The following APH1B variants were observed in gnomAD, a reference collection of about 807,000 sequenced individuals.
APH1B encodes gamma-secretase subunit APH-1B.
In APH1B, 27 loss-of-function variants were observed where a neutral mutation model predicts 28.2. The ratio of observed to expected loss-of-function variants is 0.96; its 90% CI spans 0.70 to 1.32. APH1B has a LOEUF of 1.32. Ranked by LOEUF, APH1B falls within the 40% of genes most tolerant of loss-of-function variation. The probability of loss-of-function intolerance (pLI) is 0.00; values close to 1 mark genes in which losing one functional copy is unlikely to be tolerated. For synonymous variants in APH1B, 141 were observed against 124.6 expected (o/e 1.13, Z -0.88); for missense variants, 305 against 313.6 (o/e 0.97, Z 0.21).
chr15:63,294,593 T>G (rs1399295070), intron 4 of APH1B, among the ~76,000 whole-genome samples: 1 of 152,254 alleles, frequency 6.6e-6, no homozygotes, highest in African/African-American at 2.4e-5. Context: ...TGTAACATGT[T>G]TCACTTACTG....
chr15:63,289,562 G>C (rs897741805), intron 4 of APH1B, among the ~76,000 whole-genome samples: 3 of 152,090 alleles, frequency 2.0e-5, no homozygotes, highest in African/African-American at 7.2e-5. Context: ...CCGACATGAC[G>C]CCACAAGTAG....
At chr15:63,284,117 G>T (rs897192351) in intron 2 of APH1B, among the ~76,000 whole-genome samples, 1 of 151,940 alleles carries the variant, frequency 6.6e-6, no homozygotes, top group African/African-American at 2.4e-5. Flanking sequence ...ATGGAGAAGT[G>T]TAAGTCTTTT....
In APH1B at chr15:63,308,110, T is replaced by C. The variant is rs2038706130; in HGVS notation, c.*2329T>C. ...ATGCTTTTTTTTTTTTATTTTGCAT[T>C]TGTTATCTATAATGAGCTTTCTGAG... On this transcript the variant is annotated 3_prime_UTR_variant, in exon 6 of 6. Transcript: ENST00000261879. 6.6e-6 allele frequency: 1 copy of C among 152,212 alleles called. No individual in the cohort carries two copies. 9.4% of individuals were successfully genotyped at this position (152,212 alleles called of 1,614,324 possible).
chr15:63,289,330 T>A (rs2038479111), intron 4 of APH1B, among the ~76,000 whole-genome samples: 3 of 152,234 alleles, frequency 2.0e-5, no homozygotes, highest in Non-Finnish European at 4.4e-5. Context: ...TTATATTTAT[T>A]GTATTTATGT....
intron 4 of APH1B, among the ~76,000 whole-genome samples, chr15:63,289,018 G>A (rs990211402): frequency 6.6e-6 from 1 of 152,022 alleles, no homozygotes; most frequent in Non-Finnish European, 1.5e-5. Context: ...GTTTTCATAC[G>A]ATGTTTAAAA....
chr15:63,304,289 C>T lies in APH1B; in HGVS notation c.607-1325C>T, dbSNP rs546160270. 6.6e-6 allele frequency among the ~76,000 whole-genome samples: 1 copy of T among 152,176 alleles called. No individual in the cohort carries two copies. The highest frequency in any genetic ancestry group is 1.9e-4 in the East Asian group (1 of 5,186). On this transcript the variant is annotated intron_variant, in intron 5 of 5. Coordinates refer to ENST00000261879, the MANE Select transcript of APH1B (RefSeq NM_031301.4). This position sits in a 1 kb window ranked among gnomAD's most constrained non-coding sequence, Gnocchi z 5.1. ...CAGGGACTGGTGGAACAGGGAGGCT[C>T]CTGGGGGCTGAGAATGTTTTGATTT...
intron 2 of APH1B, among the ~76,000 whole-genome samples, chr15:63,284,010 T>C (rs1166522738): frequency 3.3e-5 from 5 of 152,200 alleles, no homozygotes; most frequent in Non-Finnish European, 7.4e-5. Context: ...TTACAGTTTA[T>C]TGCTGGACTG....
intron 2 of APH1B, among the ~76,000 whole-genome samples, chr15:63,282,715 C>G (rs1160534465): frequency 6.6e-6 from 1 of 152,158 alleles, no homozygotes; most frequent in Admixed American, 6.5e-5. Context: ...TCAATTTTGT[C>G]TTAAAAGGTT....
At chr15:63,293,921 C>G (rs1280376329) in intron 4 of APH1B, among the ~76,000 whole-genome samples, 1 of 151,858 alleles carries the variant, frequency 6.6e-6, no homozygotes, top group African/African-American at 2.4e-5. Context: ...TGCCACTAAA[C>G]TCAGCTAATT....
At chr15:63,278,318 C>G (rs1457537470) in intron 1 of APH1B, 1 of 456,688 alleles carries the variant, frequency 2.2e-6, no homozygotes, top group Non-Finnish European at 4.4e-6. Flanking sequence ...GTAAAAACAC[C>G]GAAGCACCTG....
chr15:63,283,376 C>T (rs953083337), intron 2 of APH1B, among the ~76,000 whole-genome samples: 3 of 138,216 alleles, frequency 2.2e-5, no homozygotes, highest in Non-Finnish European at 3.1e-5. Context: ...ACTATAAGTG[C>T]GTGCCACCAC....
Position 63,307,932 on chromosome 15 carries a change from A to G in APH1B, c.*2151A>G, listed in dbSNP as rs2038703733. 1 of 152,244 alleles carries G rather than the reference A, an allele frequency of 6.6e-6. No homozygotes were observed. The highest frequency in any genetic ancestry group is 2.4e-5 in the African/African-American group (1 of 41,458). The allele number at this position is 152,244 out of a possible 1,614,324, so 9.4% of individuals were successfully genotyped here. ...TTTAATAATCCTTTGTTACCTGTGAATGAAGGAACTTTGTAATTCTGATTT... is the reference window on the plus strand; with the variant it reads ...TTTAATAATCCTTTGTTACCTGTGAGTGAAGGAACTTTGTAATTCTGATTT... On this transcript the variant is annotated 3_prime_UTR_variant, in exon 6 of 6. Coordinates refer to ENST00000261879, the MANE Select transcript of APH1B (RefSeq NM_031301.4).
chr15:63,297,159 T>C (rs952660410), intron 4 of APH1B, among the ~76,000 whole-genome samples: 1 of 152,240 alleles, frequency 6.6e-6, no homozygotes, highest in African/African-American at 2.4e-5. Context: ...TGGAAGCTCC[T>C]TTTATTAATC....
In APH1B at chr15:63,305,649, G is replaced by A. The variant is rs143708351; in HGVS notation, c.642G>A (p.Ala214=). Residue 214 remains alanine (A), a synonymous_variant, in exon 6 of 6, where the codon GCG becomes GCA. Coordinates refer to ENST00000261879, the MANE Select transcript of APH1B (RefSeq NM_031301.4). ...FISSYYGINL[A]SAFIILVLMG... ...GTTCTTATTATGGAATAAACCTGGCGTCAGCATTTATAATCCTGGTGCTCA... is the reference window on the plus strand; with the variant it reads ...GTTCTTATTATGGAATAAACCTGGCATCAGCATTTATAATCCTGGTGCTCA... 2.0e-4 allele frequency: 323 copies of A among 1,614,028 alleles called. No individual in the cohort carries two copies. The African/African-American group carries it at 2.4e-3, about 12-fold the overall frequency.
intron 2 of APH1B, among the ~76,000 whole-genome samples, chr15:63,282,249 T>G (rs536187514): frequency 1.8e-3 from 279 of 152,306 alleles, no homozygotes; most frequent in African/African-American, 6.4e-3. Flanking sequence ...CCAAAGTAGG[T>G]CTTGAACTTT....
chr15:63,294,714 G>A (rs1456768950), intron 4 of APH1B, among the ~76,000 whole-genome samples: 4 of 152,190 alleles, frequency 2.6e-5, no homozygotes, highest in African/African-American at 9.7e-5. Context: ...TTAATGGGTG[G>A]ATTTATTGGA....
intron 3 of APH1B, 62 bp from the exon 4 acceptor site, chr15:63,287,362 T>G (rs2038458086): frequency 1.9e-6 from 3 of 1,599,710 alleles, no homozygotes; most frequent in South Asian, 2.2e-5. Context: ...TAACTAGTCC[T>G]TGGAAATTTG....
chr15:63,279,842 G>A (rs1387333194), intron 2 of APH1B, among the ~76,000 whole-genome samples: 1 of 147,568 alleles, frequency 6.8e-6, no homozygotes, highest in Admixed American at 6.9e-5. Flanking sequence ...CTGTTGCCCA[G>A]GCTGGAGTGC....
intron 4 of APH1B, among the ~76,000 whole-genome samples, chr15:63,296,810 A>G (rs1664854454): frequency 6.6e-6 from 1 of 152,042 alleles, no homozygotes; most frequent in South Asian, 2.1e-4. Context: ...GGTGTGTGCC[A>G]CCATGCCTGG....
Sources: allele counts gnomAD v4.1 joint callset (sites outside exome capture counted in the v4.1 genomes callset), GRCh38; gene constraint gnomAD v4.1.1; non-coding constraint Gnocchi (gnomAD v3.1); transcripts MANE v1.5; gene names NCBI Gene and HGNC (gene_info 2026-07-23, HGNC 2026-07-21).